PRKCSH: variants seen among roughly 807,000 people sequenced by gnomAD.
PRKCSH encodes the protein glucosidase 2 subunit beta.
Under a neutral mutation model 79.7 loss-of-function variants are expected in PRKCSH, and 42 were observed. The observed-to-expected ratio is 0.53, with a 90% CI of 0.41 to 0.68. The LOEUF (loss-of-function observed/expected upper bound fraction) is 0.68. Among genes scored for constraint, PRKCSH ranks in the 30% least tolerant of loss-of-function variants. PRKCSH has a pLI of 0.00. For synonymous variants in PRKCSH, 325 were observed against 288.2 expected (o/e 1.13, Z -1.29); for missense variants, 686 against 709.0 (o/e 0.97, Z 0.37).
At chr19:11,439,882 G>A (rs1969975393) in intron 5 of PRKCSH, among the ~76,000 whole-genome samples, 1 of 151,666 alleles carries the variant, frequency 6.6e-6, no homozygotes, top group African/African-American at 2.4e-5. Context: ...GCCTCCCAAA[G>A]TGCGGGGATT....
chr19:11,436,320 G>T, intron 2 of PRKCSH, 69 bp from the exon 3 acceptor site: 1 of 1,574,766 alleles, frequency 6.4e-7, no homozygotes, highest in Non-Finnish European at 8.7e-7. Flanking sequence ...GTGGGGATGG[G>T]AGGACAGAGG....
chr19:11,436,188 C>T lies in PRKCSH; in HGVS notation c.71C>T (p.Ser24Phe), dbSNP rs1259563794. The change falls in exon 2 of 18, where the codon TCC (serine) becomes TTC (phenylalanine). Residue 24 changes from serine (S) to phenylalanine (F), a missense_variant. By Grantham distance (155) the Ser-to-Phe change is radical (BLOSUM62 -2). Around this residue, in one of 2 missense-constraint regions of PRKCSH, gnomAD observed 549 missense variants for 520.2 expected, o/e 1.06. Transcript: ENST00000677123. ...AVEVKRPRGVSLTNHHFYDES... is the reference protein window; with the variant it reads ...AVEVKRPRGVFLTNHHFYDES... ...GAGGTCAAGAGGCCCCGGGGCGTCTCCCTCACCAGTGAGTCCTCCTGTTCA... is the reference window on the plus strand; with the variant it reads ...GAGGTCAAGAGGCCCCGGGGCGTCTTCCTCACCAGTGAGTCCTCCTGTTCA... The T allele has an allele frequency of 3.8e-6, 6 of 1,587,598 alleles. No homozygotes were observed. The highest frequency in any genetic ancestry group is 4.3e-6 in the Non-Finnish European group (5 of 1,168,594).
chr19:11,438,204 CTCTT>C, intron 5 of PRKCSH, 80 bp downstream of exon 5: 3 of 1,469,082 alleles, frequency 2.0e-6, no homozygotes, highest in East Asian at 2.3e-5. Context: ...GGCCCACTCT[CTCTT>C]CTGCTTTTCT....
chr19:11,446,562 C>T (rs903463258), intron 9 of PRKCSH, among the ~76,000 whole-genome samples: 1 of 151,910 alleles, frequency 6.6e-6, no homozygotes, highest in Non-Finnish European at 1.5e-5. Context: ...CGCACCTGCC[C>T]CCACTCTACC....
At position 11,449,580 on chromosome 19, in the gene PRKCSH, T is replaced by A; in HGVS notation, c.*16+152T>A. The A allele has an allele frequency of 9.5e-7, 1 of 1,050,300 alleles. No individual in the cohort carries two copies. The highest frequency in any genetic ancestry group is 1.5e-5 in the South Asian group (1 of 65,248). The allele number at this position is 1,050,300 out of a possible 1,614,324, so 65.1% of individuals were successfully genotyped here. ...TTTTTTGAGGTGGAGTCTCACTCTTTGGCCCAGGCTGGAGTGCAGTGATGC... is the reference window on the plus strand; with the variant it reads ...TTTTTTGAGGTGGAGTCTCACTCTTAGGCCCAGGCTGGAGTGCAGTGATGC... On this transcript the variant is annotated intron_variant, in intron 17 of 17. Coordinates refer to ENST00000677123, the MANE Select transcript of PRKCSH (RefSeq NM_001289104.2). The surrounding 1 kb of genome is among the most constrained non-coding windows in gnomAD (Gnocchi z 6.4).
At position 11,447,237 on chromosome 19, in the gene PRKCSH, T is replaced by C. The variant is rs160840; in HGVS notation, c.849+77T>C. The C allele has an allele frequency of 0.096, 147,203 of 1,533,150 alleles. 11,703 individuals carry two copies. Among genetic ancestry groups the C allele is most frequent in the African/African-American group, 0.41 (30,119 of 72,842 alleles). 95.0% of individuals were successfully genotyped at this position (1,533,150 alleles called of 1,614,324 possible). A position where few individuals can be genotyped will look rare whatever the true frequency, so the allele number is the denominator to read the frequency against. The stretch of plus-strand genomic sequence containing the variant: ...CCCCGCCTCACAAAGGAGCTGCCTC[T>C]GGTTCTGGCACCTGGCCACCCTGGC... On this transcript the variant is annotated intron_variant, in intron 10 of 17. Coordinates refer to ENST00000677123, the MANE Select transcript of PRKCSH (RefSeq NM_001289104.2). This position sits in a 1 kb window ranked among gnomAD's most constrained non-coding sequence, Gnocchi z 5.6.
At chr19:11,441,195 T>TC in intron 5 of PRKCSH, 45 bp from the exon 6 acceptor site, 3 of 1,592,502 alleles carry the variant, frequency 1.9e-6, no homozygotes, top group Non-Finnish European at 2.6e-6. Flanking sequence ...ACCTGGTGGA[T>TC]CCTAAGTGCC....
intron 7 of PRKCSH, among the ~76,000 whole-genome samples, chr19:11,444,062 G>A (rs1970186354): frequency 6.6e-6 from 1 of 152,214 alleles, no homozygotes; most frequent in East Asian, 1.9e-4. Context: ...ATGAGCCACG[G>A]TGCCCAGCTC....
intron 7 of PRKCSH, among the ~76,000 whole-genome samples, chr19:11,444,369 TG>T (rs1319049565): frequency 6.6e-6 from 1 of 152,158 alleles, no homozygotes; most frequent in Non-Finnish European, 1.5e-5. Context: ...GTAGATGGCC[TG>T]GATTGGGCCC....
chr19:11,442,741 A>G (rs1970121271), intron 7 of PRKCSH, among the ~76,000 whole-genome samples: 1 of 152,132 alleles, frequency 6.6e-6, no homozygotes, highest in African/African-American at 2.4e-5. Flanking sequence ...TCCCTCTGCC[A>G]CCCGGGCTGG....
chr19:11,436,276 C>T lies in PRKCSH; in HGVS notation c.79+80C>T, dbSNP rs1969733550. On this transcript the variant is annotated intron_variant, in intron 2 of 17. Transcript: ENST00000677123. ...GGGCCTTAGGGATAGGCATTTACAG[C>T]CTTTTGACTCAGTTTCCCGGTAGTG... 1.9e-6 allele frequency: 3 copies of T among 1,588,638 alleles called. No homozygotes were observed. The East Asian group carries it at 6.7e-5, about 35-fold the overall frequency.
chr19:11,448,696 C>A lies in PRKCSH; in HGVS notation c.1286+67C>A. ...AGGCGGGTGGCCCCGGAAGTGGCAC[C>A]GGCAGTTTCCTGATGGTTGGGGAAC... On this transcript the variant is annotated intron_variant, in intron 14 of 17. Coordinates refer to ENST00000677123, the MANE Select transcript of PRKCSH (RefSeq NM_001289104.2). The surrounding 1 kb of genome is among the most constrained non-coding windows in gnomAD (Gnocchi z 4.4). 6.7e-7 allele frequency: 1 copy of A among 1,487,698 alleles called. No individual in the cohort carries two copies. The highest frequency in any genetic ancestry group is 9.4e-7 in the Non-Finnish European group (1 of 1,066,470). 92.2% of individuals were successfully genotyped at this position (1,487,698 alleles called of 1,614,324 possible).
intron 8 of PRKCSH, chr19:11,445,925 G>A: frequency 2.2e-6 from 1 of 464,182 alleles, no homozygotes; most frequent in Non-Finnish European, 3.9e-6. Flanking sequence ...GACCGAATGG[G>A]CAAGGGTGGG....
At chr19:11,438,590 C>T (rs1599485158) in intron 5 of PRKCSH, among the ~76,000 whole-genome samples, 1 of 151,708 alleles carries the variant, frequency 6.6e-6, no homozygotes, top group Non-Finnish European at 1.5e-5. Context: ...CTCCGTCTCA[C>T]TAAAAATACA....
rs1020321713 is a variant in PRKCSH at position 11,449,455 on chromosome 19, G to A, written c.*16+27G>A. On this transcript the variant is annotated intron_variant, in intron 17 of 17. Coordinates refer to ENST00000677123, the MANE Select transcript of PRKCSH (RefSeq NM_001289104.2). The surrounding 1 kb of genome is among the most constrained non-coding windows in gnomAD (Gnocchi z 6.4). ...TGGGCGGGGAGGTGGAGTCTCGTCG[G>A]CCTGCCCCAGCAAGGGGAGGCGGCG... The A allele has an allele frequency of 5.0e-6, 8 of 1,611,548 alleles. No individual in the cohort carries two copies. The highest frequency in any genetic ancestry group is 1.7e-5 in the Admixed American group (1 of 59,916).
Position 11,448,311 on chromosome 19 carries a change from G to C in PRKCSH, c.1196+20G>C, listed in dbSNP as rs375495109. ...CATCAGGTAGCGGGGGCTGAGGAGC[G>C]GGGACACCTGTCCCACAGCGACTGC... On this transcript the variant is annotated intron_variant, in intron 13 of 17. Coordinates refer to ENST00000677123, the MANE Select transcript of PRKCSH (RefSeq NM_001289104.2). This position sits in a 1 kb window ranked among gnomAD's most constrained non-coding sequence, Gnocchi z 4.4. 13 of 1,566,852 alleles carry C rather than the reference G, an allele frequency of 8.3e-6. No individual in the cohort carries two copies. The Admixed American group carries it at 1.7e-4, about 21-fold the overall frequency.
chr19:11,446,131 G>A, intron 8 of PRKCSH, 141 bp from the exon 9 acceptor site: 1 of 815,978 alleles, frequency 1.2e-6, no homozygotes, highest in Non-Finnish European at 2.0e-6. Flanking sequence ...CAGGAGGGTG[G>A]GGAGGCCCCT....
At position 11,447,220 on chromosome 19, in the gene PRKCSH, C is replaced by A; in HGVS notation, c.849+60C>A. On this transcript the variant is annotated intron_variant, in intron 10 of 17. Coordinates refer to ENST00000677123, the MANE Select transcript of PRKCSH (RefSeq NM_001289104.2). The surrounding 1 kb of genome is among the most constrained non-coding windows in gnomAD (Gnocchi z 5.6). ...CCACCACACTGCCCCCACCCCGCCTCACAAAGGAGCTGCCTCTGGTTCTGG... is the reference window on the plus strand; with the variant it reads ...CCACCACACTGCCCCCACCCCGCCTAACAAAGGAGCTGCCTCTGGTTCTGG... 1.3e-6 allele frequency: 2 copies of A among 1,572,768 alleles called. No individual in the cohort carries two copies. Among genetic ancestry groups the A allele is most frequent in the Non-Finnish European group, 1.7e-6 (2 of 1,147,790 alleles).
chr19:11,442,294 T>G (rs1390153530), intron 6 of PRKCSH, 92 bp from the exon 7 acceptor site: 2 of 1,502,762 alleles, frequency 1.3e-6, no homozygotes, highest in African/African-American at 2.8e-5. Context: ...AACATCTCCC[T>G]GCTGCCCTGT....
Sources: gnomAD v4.1 joint callset for allele counts (sites outside exome capture counted in the v4.1 genomes callset) on GRCh38, gnomAD v4.1.1 for gene constraint, gnomAD v4.1.1 regional missense constraint, Gnocchi (gnomAD v3.1) non-coding constraint, MANE v1.5 for transcripts, NCBI Gene and HGNC (gene_info 2026-07-23, HGNC 2026-07-21) for gene names.